The following PARP1 variants were observed in gnomAD, a reference collection of about 807,000 sequenced individuals.
PARP1 encodes the protein poly [ADP-ribose] polymerase 1.
Under a neutral mutation model 118.7 loss-of-function variants are expected in PARP1, and 44 were observed. The observed-to-expected ratio is 0.37, with a 90% CI of 0.29 to 0.48. The LOEUF (loss-of-function observed/expected upper bound fraction) is 0.48. Among genes scored for constraint, PARP1 ranks in the 20% least tolerant of loss-of-function variants. PARP1 has a pLI of 0.99. For missense variants in PARP1, 1,100 were observed against 1,272.4 expected, an observed-to-expected ratio of 0.86 and a Z score of 2.06; for synonymous variants, 492 against 483.2, an observed-to-expected ratio of 1.02 and a Z score of -0.24.
chr1:226,372,673 TCAAAC>T (rs141615498), intron 14 of PARP1, among the ~76,000 whole-genome samples: 32 of 151,678 alleles, frequency 2.1e-4, no homozygotes, highest in Middle Eastern at 3.4e-3. Context: ...AAACTCCGTC[TCAAAC>T]CAAACCAAAC....
At chr1:226,385,020 G>A (rs573022178) in intron 7 of PARP1, among the ~76,000 whole-genome samples, 19 of 152,294 alleles carry the variant, frequency 1.2e-4, no homozygotes, top group Admixed American at 6.5e-4. Flanking sequence ...GGCTCCCCAT[G>A]GAGGTATTTT....
chr1:226,368,538 G>A (rs1196824454), intron 15 of PARP1, among the ~76,000 whole-genome samples: 1 of 152,160 alleles, frequency 6.6e-6, no homozygotes, highest in East Asian at 1.9e-4. Context: ...ACACGTGATG[G>A]GCTTCTCCCA....
At chr1:226,394,627 G>C (rs1664880040) in intron 2 of PARP1, among the ~76,000 whole-genome samples, 1 of 152,168 alleles carries the variant, frequency 6.6e-6, no homozygotes, top group Non-Finnish European at 1.5e-5. Flanking sequence ...CTCAAAGAAA[G>C]ACAGGGCTGG....
rs1664713957 is a variant in PARP1 at position 226,386,271 on chromosome 1, A to G, written c.834+55T>C. 4 of 1,053,294 alleles carry G rather than the reference A, an allele frequency of 3.8e-6. 1 individual carries two copies. Among genetic ancestry groups the G allele is most frequent in the Middle Eastern group, 2.2e-4 (1 of 4,642 alleles). 65.2% of individuals were successfully genotyped at this position (1,053,294 alleles called of 1,614,324 possible). ...CACACTCCATTGGGACAGTCACTCC[A>G]CAACGACGGGGTCGGCCTCACATGC... On this transcript the variant is annotated intron_variant, in intron 6 of 22. Transcript: ENST00000366794.
chr1:226,368,463 G>A lies in PARP1; in HGVS notation c.2155-142C>T, dbSNP rs3219120. The A allele has an allele frequency of 1.7e-3, 1,659 of 985,056 alleles. 22 individuals are homozygous for A. In the African/African-American group the frequency reaches 0.024, roughly 14 times the overall value. The allele number at this position is 985,056 out of a possible 1,614,324, so 61.0% of individuals were successfully genotyped here. A position where few individuals can be genotyped will look rare whatever the true frequency, so the allele number is the denominator to read the frequency against. ...GCACATGCCAGGACACATGGGAAAC[G>A]ACCAGAAGACCATCTTCCTGTTAAA... On this transcript the variant is annotated intron_variant, in intron 15 of 22. Transcript: ENST00000366794.
intron 2 of PARP1, chr1:226,401,893 G>A: frequency 8.9e-7 from 1 of 1,117,604 alleles, no homozygotes; most frequent in Non-Finnish European, 1.2e-6. Flanking sequence ...GGAAGAGCCT[G>A]TGTGGTGGGA....
chr1:226,406,608 T>C (rs453739), intron 1 of PARP1, among the ~76,000 whole-genome samples: 1 of 152,224 alleles, frequency 6.6e-6, no homozygotes, highest in Non-Finnish European at 1.5e-5. Flanking sequence ...AACGTTTGTT[T>C]ACCAGTCATT....
intron 9 of PARP1, 86 bp from the exon 10 acceptor site, chr1:226,380,250 T>C: frequency 2.2e-6 from 3 of 1,342,338 alleles, no homozygotes; most frequent in Non-Finnish European, 3.2e-6. Context: ...ATTTAGTGTG[T>C]ACTTCCAAAC....
intron 11 of PARP1, 143 bp downstream of exon 11, chr1:226,379,430 G>A (rs1664559867): frequency 6.7e-6 from 8 of 1,188,446 alleles, no homozygotes; most frequent in Middle Eastern, 2.0e-4. Flanking sequence ...AGGACTGGGG[G>A]AGCTGGTGAA....
chr1:226,381,177 A>C lies in PARP1; in HGVS notation c.1191T>G (p.Thr397=), dbSNP rs1473031974. Residue 397 remains threonine, a synonymous_variant, in exon 9 of 23, where the codon ACT becomes ACG. Transcript: ENST00000366794. The part of the protein sequence containing the change: ...DKPLSNMKIL[T]LGKLSRNKDE... The stretch of plus-strand genomic sequence containing the variant: ...CCTTGTTCCGGGACAGCTTCCCGAG[A>C]GTCAGGATCTTCATGTTGGATAATG... 19 of 1,614,014 alleles carry C rather than the reference A, an allele frequency of 1.2e-5. No homozygotes were observed. The highest frequency in any genetic ancestry group is 1.6e-5 in the Non-Finnish European group (19 of 1,180,018).
At chr1:226,391,323 C>A (rs1475634724) in intron 3 of PARP1, among the ~76,000 whole-genome samples, 1 of 152,086 alleles carries the variant, frequency 6.6e-6, no homozygotes, top group African/African-American at 2.4e-5. Flanking sequence ...ACAGATGACA[C>A]CCCCTAAGGA....
rs55897265 is a variant in PARP1, at chr1:226,393,960, T to C, written c.287-1646A>G. The stretch of plus-strand genomic sequence containing the variant: ...ACTTTAATGAGGCAAAAAAATACAA[T>C]AGACAAAACTAAAAGAAAATGTCAA... On this transcript the variant is annotated intron_variant, in intron 2 of 22. Coordinates refer to ENST00000366794, the MANE Select transcript of PARP1 (RefSeq NM_001618.4). Among the ~76,000 whole-genome samples the C allele has an allele frequency of 8.0e-3, 1,211 of 152,196 alleles. 26 individuals are homozygous for C. Among genetic ancestry groups the C allele is most frequent in the African/African-American group, 0.027 (1,130 of 41,530 alleles).
At chr1:226,387,034 G>A (rs560269959) in intron 5 of PARP1, among the ~76,000 whole-genome samples, 13 of 152,298 alleles carry the variant, frequency 8.5e-5, no homozygotes, top group African/African-American at 2.9e-4. Flanking sequence ...CCAGACTGGA[G>A]TGCAATGATG....
chr1:226,371,912 C>T (rs1413176980), intron 14 of PARP1, among the ~76,000 whole-genome samples: 2 of 152,256 alleles, frequency 1.3e-5, no homozygotes, highest in Admixed American at 1.3e-4. Flanking sequence ...GCCGCCCTCA[C>T]TACTGGAAAA....
chr1:226,388,595 G>A (rs2293464), intron 5 of PARP1, 61 bp downstream of exon 5: 222,002 of 1,184,648 alleles, frequency 0.19, 22,900 homozygotes, highest in African/African-American at 0.37. Flanking sequence ...TGTCTTCCCA[G>A]AATGAGAAAG....
intron 18 of PARP1, 63 bp downstream of exon 18, chr1:226,365,891 G>C (rs1393525708): frequency 9.6e-7 from 1 of 1,044,622 alleles, no homozygotes; most frequent in Non-Finnish European, 1.5e-6. Context: ...GCCCAGGTTG[G>C]AGGAGTGGGC....
rs1664424962 is a variant in PARP1, at chr1:226,373,234, G to A, written c.2070+992C>T. Among the ~76,000 whole-genome samples the A allele has an allele frequency of 2.0e-5, 3 of 152,344 alleles. No individual in the cohort carries two copies. In the South Asian group the frequency reaches 6.2e-4, roughly 32 times the overall value. ...TGGGAAGACAGCAGAACGTGAGCGT[G>A]AAGGGAGCAACCCCATGGAGAAGGG... On this transcript the variant is annotated intron_variant, in intron 14 of 22. Transcript: ENST00000366794.
At chr1:226,381,028 G>A in intron 9 of PARP1, 40 bp downstream of exon 9, 1 of 1,611,364 alleles carries the variant, frequency 6.2e-7, no homozygotes, top group Non-Finnish European at 8.5e-7. Context: ...ATAAGATACA[G>A]AAGCATTGTC....
intron 7 of PARP1, 102 bp from the exon 8 acceptor site, chr1:226,383,285 T>C (rs985078359): frequency 4.4e-6 from 4 of 918,016 alleles, no homozygotes; most frequent in South Asian, 2.9e-5. Context: ...TAATCTCTTT[T>C]TTTCTTCTTA....
Sources: gnomAD v4.1 joint callset for allele counts (sites outside exome capture counted in the v4.1 genomes callset) on GRCh38, gnomAD v4.1.1 for gene constraint, MANE v1.5 for transcripts, NCBI Gene and HGNC (gene_info 2026-07-23, HGNC 2026-07-21) for gene names.